Variants in RAPGEF1 observed in about 807,000 individuals in gnomAD.
RAPGEF1 encodes Rap guanine nucleotide exchange factor 1.
In RAPGEF1, 33 loss-of-function variants were observed where a neutral mutation model predicts 143.3. That is an observed-to-expected ratio of 0.23 (90% CI 0.17 to 0.31). The LOEUF (loss-of-function observed/expected upper bound fraction) is 0.31. Ranked by LOEUF, RAPGEF1 falls within the 10% of genes least tolerant of loss-of-function variation. RAPGEF1 has a pLI of 1.00. For missense variants in RAPGEF1, 1,199 were observed against 1,645.4 expected, an observed-to-expected ratio of 0.73 and a Z score of 4.69; for synonymous variants, 629 against 676.5, an observed-to-expected ratio of 0.93 and a Z score of 1.09.
chr9:131,600,312 G>C (rs1267902947), intron 15 of RAPGEF1, among the ~76,000 whole-genome samples: 2 of 152,150 alleles, frequency 1.3e-5, no homozygotes, highest in African/African-American at 2.4e-5. Context: ...GAACCATCTG[G>C]AACTCTGAAG....
Position 131,626,012 on chromosome 9 carries a change from G to C in RAPGEF1, c.1612C>G (p.Pro538Ala), listed in dbSNP as rs779664732. Residue 538 changes from proline to alanine, a missense_variant, in exon 10 of 27, where the codon CCT (proline) becomes GCT (alanine). Around this residue, in one of 6 missense-constraint regions of RAPGEF1, gnomAD observed 613 missense variants for 710.9 expected, o/e 0.86. Coordinates refer to ENST00000683357, the MANE Select transcript of RAPGEF1 (RefSeq NM_001377935.1). ...GTAAAATCACCCACAAATTCGACAG[G>C]GGCTGAGGAACCTCCATGCTGAAAG... ...LPFQHGGSSA[P>A]VEFVGDFTAP... 3.1e-6 allele frequency: 5 copies of C among 1,611,246 alleles called. No individual in the cohort carries two copies. The East Asian group carries it at 1.1e-4, about 36-fold the overall frequency.
rs1830932490 is a variant in RAPGEF1 at position 131,669,144 on chromosome 9, C to A, written c.62-18195G>T. ...GCAGGCAGGAGGTGGCAGCAGACGG[C>A]CCCCACCTCTGCTGCGCTAGCCCTG... On this transcript the variant is annotated intron_variant, in intron 1 of 26. Transcript: ENST00000683357. Among the ~76,000 whole-genome samples the A allele has an allele frequency of 2.0e-5, 3 of 152,222 alleles. No homozygotes were observed. In the South Asian group the frequency reaches 6.2e-4, roughly 32 times the overall value.
intron 1 of RAPGEF1, among the ~76,000 whole-genome samples, chr9:131,701,317 C>T (rs932235971): frequency 2.0e-5 from 3 of 152,126 alleles, no homozygotes; most frequent in African/African-American, 7.2e-5. Context: ...GTTTCCTTCC[C>T]TTTTCTTACC....
At chr9:131,595,298 T>G (rs543690449) in intron 17 of RAPGEF1, among the ~76,000 whole-genome samples, 1 of 152,212 alleles carries the variant, frequency 6.6e-6, no homozygotes, top group Non-Finnish European at 1.5e-5. Flanking sequence ...GTGGCTGCGG[T>G]GAGTTTGTGG....
intron 1 of RAPGEF1, among the ~76,000 whole-genome samples, chr9:131,692,867 TTGCTAATGCTTCTTGTTGCA>T (rs552487939): frequency 1.7e-4 from 26 of 152,340 alleles, no homozygotes; most frequent in African/African-American, 5.8e-4. Context: ...ATCTGCACAG[TTGCTAATGCTTCTTGTTGCA>T]CATGGATAAA....
chr9:131,659,084 G>A (rs555112649), intron 1 of RAPGEF1, among the ~76,000 whole-genome samples: 2 of 152,250 alleles, frequency 1.3e-5, no homozygotes, highest in Non-Finnish European at 2.9e-5. Context: ...ACTGGGCTCA[G>A]AAGTCGAGCA....
At chr9:131,653,388 G>A (rs374788855) in intron 1 of RAPGEF1, among the ~76,000 whole-genome samples, 8 of 152,128 alleles carry the variant, frequency 5.3e-5, no homozygotes, top group East Asian at 1.9e-4. Context: ...CAGAACCCAC[G>A]GATATGGAGG....
In RAPGEF1 at chr9:131,650,186, C is replaced by T. The variant is rs1225861493; in HGVS notation, c.258G>A (p.Gln86=). Residue 86 remains glutamine (Q), a synonymous_variant, in exon 3 of 27, where the codon CAG becomes CAA. Coordinates refer to ENST00000683357, the MANE Select transcript of RAPGEF1 (RefSeq NM_001377935.1). The surrounding 1 kb of genome is among the most constrained non-coding windows in gnomAD (Gnocchi z 4.7). Reference sequence around the variant, plus strand: ...TGGTGGACATAAATTCTACTGCCTGCTGCTCCAGATCCAAGGGGAGAGGGT... The same window carrying T: ...TGGTGGACATAAATTCTACTGCCTGTTGCTCCAGATCCAAGGGGAGAGGGT... The part of the protein sequence containing the change: ...EGYPLPLDLE[Q]QAVEFMSTSA... The T allele has an allele frequency of 1.9e-6, 3 of 1,613,956 alleles. No individual in the cohort carries two copies. Among genetic ancestry groups the T allele is most frequent in the South Asian group, 1.1e-5 (1 of 91,074 alleles).
In RAPGEF1 at chr9:131,651,010, C is replaced by T. The variant is rs570635386; in HGVS notation, c.62-61G>A. 142 of 1,560,584 alleles carry T rather than the reference C, an allele frequency of 9.1e-5. No individual in the cohort carries two copies. The African/African-American group carries it at 1.7e-3, about 19-fold the overall frequency. ...GTGGGAAGAAGCGATGGTTCATTGA[C>T]CTTTTGTGGAAATGAGCAATGTCCC... is the stretch of plus-strand genomic sequence containing the variant. On this transcript the variant is annotated intron_variant, in intron 1 of 26. Transcript: ENST00000683357.
chr9:131,636,446 A>T (rs1373082898), intron 5 of RAPGEF1, among the ~76,000 whole-genome samples: 11 of 151,874 alleles, frequency 7.2e-5, no homozygotes, highest in Non-Finnish European at 1.5e-4. Context: ...TTCCCCAGTC[A>T]CTTTGAAAAA....
In RAPGEF1 at chr9:131,582,637, G is replaced by C; in HGVS notation, c.3480C>G (p.Leu1160=). ...GGATGCACGGCGGTTCCACCTCCGA[G>C]AGGGCGGCCCGGTAGGCTCGGAAGG... ...SSSFRAYRAA[L]SEVEPPCIPY... is the part of the protein sequence containing the mutation. The change falls in exon 25 of 27, where the codon CTC becomes CTG. Residue 1160 remains leucine, a synonymous_variant. Coordinates refer to ENST00000683357, the MANE Select transcript of RAPGEF1 (RefSeq NM_001377935.1). 6.5e-7 allele frequency: 1 copy of C among 1,533,940 alleles called. No individual in the cohort carries two copies. The highest frequency in any genetic ancestry group is 1.4e-5 in the African/African-American group (1 of 69,136).
intron 1 of RAPGEF1, among the ~76,000 whole-genome samples, chr9:131,708,146 G>C (rs7871932): frequency 0.86 from 131,427 of 152,288 alleles, 56,894 homozygotes; most frequent in African/African-American, 0.92. Flanking sequence ...AATGATCTAT[G>C]ATTTGACAAA....
chr9:131,665,540 A>G (rs980163460), intron 1 of RAPGEF1, among the ~76,000 whole-genome samples: 1 of 151,976 alleles, frequency 6.6e-6, no homozygotes, highest in East Asian at 1.9e-4. Context: ...AGTCCTTATA[A>G]GAGCTAAGTC....
chr9:131,677,728 G>C (rs1371275517), intron 1 of RAPGEF1, among the ~76,000 whole-genome samples: 1 of 152,152 alleles, frequency 6.6e-6, no homozygotes, highest in Non-Finnish European at 1.5e-5. Context: ...AAAAACATCT[G>C]CCAACAGCTT....
intron 1 of RAPGEF1, among the ~76,000 whole-genome samples, chr9:131,739,492 C>T (rs1271383279): frequency 3.3e-5 from 5 of 151,838 alleles, no homozygotes; most frequent in Admixed American, 6.6e-5. Flanking sequence ...CGGAAGTTCC[C>T]GGGGACCGCG....
chr9:131,631,470 C>G (rs1964829839), intron 5 of RAPGEF1, among the ~76,000 whole-genome samples: 1 of 152,254 alleles, frequency 6.6e-6, no homozygotes, highest in Non-Finnish European at 1.5e-5. Context: ...CAGCAGTGTT[C>G]CCACTCGTGG....
At chr9:131,713,465 C>T (rs922349277) in intron 1 of RAPGEF1, among the ~76,000 whole-genome samples, 1 of 152,116 alleles carries the variant, frequency 6.6e-6, no homozygotes, top group Non-Finnish European at 1.5e-5. Flanking sequence ...TTCCTCATGA[C>T]CAGAGGAGGC....
Position 131,730,996 on chromosome 9 carries a change from C to T in RAPGEF1, c.61+8774G>A, listed in dbSNP as rs1209876370. 2.0e-5 allele frequency among the ~76,000 whole-genome samples: 3 copies of T among 152,164 alleles called. No individual in the cohort carries two copies. The East Asian group carries it at 5.8e-4, about 29-fold the overall frequency. On this transcript the variant is annotated intron_variant, in intron 1 of 26. Coordinates refer to ENST00000683357, the MANE Select transcript of RAPGEF1 (RefSeq NM_001377935.1). The stretch of plus-strand genomic sequence containing the variant: ...CATGAAGGCTCATTTTCACCCAAGT[C>T]ACACAGCCAAGAGAATAATATCAGA...
chr9:131,705,190 G>A (rs1342061606), intron 1 of RAPGEF1, among the ~76,000 whole-genome samples: 1 of 152,096 alleles, frequency 6.6e-6, no homozygotes, highest in Admixed American at 6.5e-5. Flanking sequence ...TGTGCACCAG[G>A]AACCACCATG....
Sources: allele counts gnomAD v4.1 joint callset (sites outside exome capture counted in the v4.1 genomes callset), GRCh38; gene constraint gnomAD v4.1.1; regional missense constraint gnomAD v4.1.1; non-coding constraint Gnocchi (gnomAD v3.1); transcripts MANE v1.5; gene names NCBI Gene and HGNC (gene_info 2026-07-23, HGNC 2026-07-21).